TMEM74: variants seen among roughly 807,000 people sequenced by gnomAD.
The protein encoded by TMEM74 is transmembrane protein 74.
A neutral mutation model predicts 18.1 loss-of-function variants in TMEM74; 13 were observed. The ratio of observed to expected loss-of-function variants is 0.72; its 90% CI spans 0.47 to 1.14. The LOEUF is 1.14. TMEM74 is among the 50% of genes most tolerant of loss of function. The pLI is 0.00. For synonymous variants in TMEM74, 159 were observed against 146.6 expected (o/e 1.08, Z -0.61); for missense variants, 372 against 375.9 (o/e 0.99, Z 0.09).
intron 1 of TMEM74, among the ~76,000 whole-genome samples, chr8:108,663,952 C>G: frequency 6.6e-6 from 1 of 152,120 alleles, no homozygotes; most frequent in Middle Eastern, 3.4e-3. Flanking sequence ...CACACTGGGG[C>G]CTCTCAGGTT....
chr8:108,645,989 T>C (rs1178930184), intron 2 of TMEM74, among the ~76,000 whole-genome samples: 2 of 152,276 alleles, frequency 1.3e-5, no homozygotes, highest in Middle Eastern at 3.4e-3. Flanking sequence ...CTCAGATTTA[T>C]GCTTGCCTCT....
At chr8:108,638,881 C>T (rs576403038) in intron 2 of TMEM74, among the ~76,000 whole-genome samples, 3 of 152,252 alleles carry the variant, frequency 2.0e-5, no homozygotes, top group East Asian at 1.9e-4. Context: ...TTGACTGAGG[C>T]GTGACCATGT....
chr8:108,726,669 T>C lies in TMEM74; in HGVS notation n.119+60807A>G, dbSNP rs530601042. 6.6e-5 allele frequency among the ~76,000 whole-genome samples: 10 copies of C among 152,286 alleles called. 1 individual carries two copies. Among genetic ancestry groups the C allele is most frequent in the African/African-American group, 1.9e-4 (8 of 41,560 alleles). On this transcript the variant is annotated intron_variant and non_coding_transcript_variant, in intron 1 of 3. Coordinates refer to the TMEM74 transcript ENST00000518838. ...CTATTAGTTTTGAACATACATTTTATTCATTCATTCAACAACTATTCATTA... is the reference window on the plus strand; with the variant it reads ...CTATTAGTTTTGAACATACATTTTACTCATTCATTCAACAACTATTCATTA...
chr8:108,670,382 T>C (rs554364772), intron 1 of TMEM74, among the ~76,000 whole-genome samples: 2 of 152,180 alleles, frequency 1.3e-5, no homozygotes, highest in Non-Finnish European at 2.9e-5. Context: ...GAAAGGAGTG[T>C]CTTAGTTTAA....
chr8:108,749,164 TG>T (rs34445892), intron 1 of TMEM74, among the ~76,000 whole-genome samples: 58,460 of 150,898 alleles, frequency 0.39, 11,771 homozygotes, highest in African/African-American at 0.5. Context: ...AAATAGTTGT[TG>T]TTTTTTTTTC....
chr8:108,691,041 A>G lies in TMEM74; in HGVS notation n.120-35604T>C, dbSNP rs200822740. On this transcript the variant is annotated intron_variant and non_coding_transcript_variant, in intron 1 of 3. Transcript: ENST00000518838. ...GAATCCAAAATCTTTTAGTCCAAAC[A>G]GACTGGTCTAGAGCTACTGCTTTAC... 3.2e-4 allele frequency among the ~76,000 whole-genome samples: 49 copies of G among 152,278 alleles called. 1 individual carries two copies. The East Asian group carries it at 9.1e-3, about 28-fold the overall frequency.
At chr8:108,721,671 G>A (rs1813588388) in intron 1 of TMEM74, among the ~76,000 whole-genome samples, 1 of 152,116 alleles carries the variant, frequency 6.6e-6, no homozygotes, top group Non-Finnish European at 1.5e-5. Context: ...TGTGGTTTAC[G>A]ATTTCCTTCA....
chr8:108,620,362 T>A (rs1812427437), intron 2 of TMEM74, among the ~76,000 whole-genome samples: 1 of 151,936 alleles, frequency 6.6e-6, no homozygotes, highest in Non-Finnish European at 1.5e-5. Context: ...TAAGATTGAG[T>A]AGAGTTAGGA....
Position 108,670,034 on chromosome 8 carries a change from T to TAA in TMEM74, n.120-14598_120-14597insTT, listed in dbSNP as rs1563745188. ...GCCTGGATGACAGAGTAAGATTCTG[T>TAA]GAAAAAAAAAAAAAAAAAAAAAAGG... On this transcript the variant is annotated intron_variant and non_coding_transcript_variant, in intron 1 of 3. Coordinates refer to the TMEM74 transcript ENST00000518838. Among the ~76,000 whole-genome samples, 26 of 113,890 alleles carry TAA rather than the reference T, an allele frequency of 2.3e-4. 6 individuals are homozygous for TAA. The highest frequency in any genetic ancestry group is 4.8e-4 in the African/African-American group (14 of 29,254). The allele number at this position is 113,890 out of a possible 152,430, so 74.7% of individuals were successfully genotyped here.
chr8:108,636,339 C>A (rs948909462), intron 2 of TMEM74, among the ~76,000 whole-genome samples: 3 of 152,038 alleles, frequency 2.0e-5, no homozygotes, highest in African/African-American at 7.2e-5. Context: ...AGATTCACAA[C>A]TGGGGAGCTC....
At chr8:108,628,838 G>A (rs1405142196) in intron 2 of TMEM74, among the ~76,000 whole-genome samples, 3 of 152,062 alleles carry the variant, frequency 2.0e-5, no homozygotes, top group African/African-American at 7.2e-5. Flanking sequence ...TCTGGCATGA[G>A]ATGGTATCTC....
In TMEM74 at chr8:108,780,536, T is replaced by C. The variant is rs997016022; in HGVS notation, c.*3645A>G. On this transcript the variant is annotated 3_prime_UTR_variant, in exon 2 of 2. Coordinates refer to ENST00000297459, the MANE Select transcript of TMEM74 (RefSeq NM_153015.3). ...GGGGGGACTGAGGTAAAGGCACACATAAGTTTGGCAGCGCAGTCTCTTTTC... is the reference window on the plus strand; with the variant it reads ...GGGGGGACTGAGGTAAAGGCACACACAAGTTTGGCAGCGCAGTCTCTTTTC... Among the ~76,000 whole-genome samples, 1 of 152,168 alleles carries C rather than the reference T, an allele frequency of 6.6e-6. No individual in the cohort carries two copies. The highest frequency in any genetic ancestry group is 1.5e-5 in the Non-Finnish European group (1 of 68,022).
Position 108,694,409 on chromosome 8 carries a change from GA to G in TMEM74, n.120-38973del, listed in dbSNP as rs1762010690. The stretch of plus-strand genomic sequence containing the variant: ...GACAAACATTGAAAACATGCTGAGT[GA>G]AAAAAAACCCAGATACAAAAGGTCA... On this transcript the variant is annotated intron_variant and non_coding_transcript_variant, in intron 1 of 3. Coordinates refer to the TMEM74 transcript ENST00000518838. Among the ~76,000 whole-genome samples the G allele has an allele frequency of 6.6e-5, 10 of 151,644 alleles. No individual in the cohort carries two copies. The South Asian group carries it at 2.1e-3, about 32-fold the overall frequency.
At chr8:108,665,242 G>T (rs1336531846) in intron 1 of TMEM74, among the ~76,000 whole-genome samples, 2 of 152,130 alleles carry the variant, frequency 1.3e-5, no homozygotes, top group Admixed American at 1.3e-4. Context: ...ACTTCGACCT[G>T]AATTATTATA....
Position 108,784,703 on chromosome 8 carries a change from C to A in TMEM74, c.396G>T (p.Gly132=). 6.2e-7 allele frequency: 1 copy of A among 1,614,178 alleles called. No homozygotes were observed. Among genetic ancestry groups the A allele is most frequent in the Non-Finnish European group, 8.5e-7 (1 of 1,180,014 alleles). ...AGCCAAGCTCCCCAGGGTGATTATG[C>A]CCTTTTGCTGATGGCGAGCTCCGGT... The part of the protein sequence containing the change: ...QRNRSSPSAK[G]HNHPGELGWE... The change falls in exon 2 of 2, where the codon GGG becomes GGT. Residue 132 remains glycine (G), a synonymous_variant. Coordinates refer to ENST00000297459, the MANE Select transcript of TMEM74 (RefSeq NM_153015.3).
chr8:108,756,580 GAA>G (rs1563543521), intron 1 of TMEM74, among the ~76,000 whole-genome samples: 40 of 111,698 alleles, frequency 3.6e-4, no homozygotes, highest in African/African-American at 1.4e-3. Context: ...AAGAAAGAAA[GAA>G]AGAAAGAAAG....
chr8:108,738,131 AAT>A (rs1813766147), intron 1 of TMEM74, among the ~76,000 whole-genome samples: 1 of 152,002 alleles, frequency 6.6e-6, no homozygotes. Flanking sequence ...CATTCTTTTC[AAT>A]ATGTGTGCTC....
intron 1 of TMEM74, among the ~76,000 whole-genome samples, chr8:108,764,561 C>T (rs1814080584): frequency 6.6e-6 from 1 of 152,048 alleles, no homozygotes; most frequent in African/African-American, 2.4e-5. Flanking sequence ...GAGGATAATA[C>T]CTTATTCCTC....
At chr8:108,647,359 T>C (rs916343603) in intron 2 of TMEM74, among the ~76,000 whole-genome samples, 1 of 152,192 alleles carries the variant, frequency 6.6e-6, no homozygotes, top group Admixed American at 6.5e-5. Context: ...TGGCAGCAAT[T>C]TGTGGATTTT....
Sources: allele counts gnomAD v4.1 joint callset (sites outside exome capture counted in the v4.1 genomes callset), GRCh38; gene constraint gnomAD v4.1.1; transcripts MANE v1.5; gene names NCBI Gene and HGNC (gene_info 2026-07-23, HGNC 2026-07-21).